Variants in LANCL1 observed in about 807,000 individuals in gnomAD.
LANCL1 encodes the protein LanC like glutathione S-transferase 1.
In LANCL1, 50 loss-of-function variants were observed where a neutral mutation model predicts 50.6. The observed-to-expected ratio is 0.99, with a 90% CI of 0.79 to 1.25. The LOEUF is 1.25. Among genes scored for constraint, LANCL1 ranks in the 50% most tolerant of loss-of-function variants. The probability of loss-of-function intolerance (pLI) is 0.00; values close to 1 mark genes in which losing one functional copy is unlikely to be tolerated. For synonymous variants in LANCL1, 188 were observed against 178.6 expected (o/e 1.05, Z -0.42); for missense variants, 532 against 480.7 (o/e 1.11, Z -1.00).
At position 210,455,101 on chromosome 2, in the gene LANCL1, G is replaced by A. The variant is rs201036624; in HGVS notation, c.407+6C>T. On this transcript the variant is annotated splice_donor_region_variant and intron_variant, in intron 4 of 9. Transcript: ENST00000450366. The stretch of plus-strand genomic sequence containing the variant: ...GAAAATAATCCTCATATAGAAACAT[G>A]ATTACCGTGTGATGCAATCTTCTGC... The A allele has an allele frequency of 1.6e-4, 263 of 1,608,896 alleles. No homozygotes were observed. Among genetic ancestry groups the A allele is most frequent in the Non-Finnish European group, 7.0e-5 (82 of 1,175,776 alleles).
Position 210,465,639 on chromosome 2 carries a change from T to C in LANCL1, c.199+6320A>G, listed in dbSNP as rs1390885345. Among the ~76,000 whole-genome samples, 5 of 152,162 alleles carry C rather than the reference T, an allele frequency of 3.3e-5. No homozygotes were observed. The East Asian group carries it at 9.6e-4, about 29-fold the overall frequency. On this transcript the variant is annotated intron_variant, in intron 3 of 9. Transcript: ENST00000450366. ...GATTCAAGAAAACGTGAAGTCAATATACGGCAACTAGAAGCAAAACGATCT... is the reference window on the plus strand; with the variant it reads ...GATTCAAGAAAACGTGAAGTCAATACACGGCAACTAGAAGCAAAACGATCT...
intron 6 of LANCL1, among the ~76,000 whole-genome samples, chr2:210,439,183 C>T (rs140193363): frequency 1.2e-3 from 177 of 152,248 alleles, no homozygotes; most frequent in East Asian, 7.1e-3. Flanking sequence ...TTGATGAAGG[C>T]GTACCTACTA....
At chr2:210,435,977 C>T (rs1264877161) in intron 8 of LANCL1, among the ~76,000 whole-genome samples, 1 of 137,992 alleles carries the variant, frequency 7.2e-6, no homozygotes. Context: ...TCTTGGCTCA[C>T]TGCAACCTCT....
chr2:210,439,264 C>G (rs1398269078), intron 6 of LANCL1, among the ~76,000 whole-genome samples: 1 of 152,136 alleles, frequency 6.6e-6, no homozygotes, highest in African/African-American at 2.4e-5. Context: ...AAAATCAATA[C>G]TTGGGTTTTC....
In LANCL1 at chr2:210,436,273, G is replaced by A. The variant is rs1217877285; in HGVS notation, c.993C>T (p.Ala331=). The A allele has an allele frequency of 1.2e-6, 2 of 1,613,864 alleles. No individual in the cohort carries two copies. Among genetic ancestry groups the A allele is most frequent in the African/African-American group, 2.7e-5 (2 of 74,880 alleles). ...LCHGSAGNAY[A]FLTLYNLTQD... ...GTGTGAGGTTGTAGAGTGTCAGGAA[G>A]GCATAGGCATTCCCTGCAGAACCGT... Residue 331 remains alanine, a synonymous_variant, in exon 8 of 10, where the codon GCC becomes GCT. Transcript: ENST00000450366.
chr2:210,463,001 T>C (rs1443027899), intron 3 of LANCL1, among the ~76,000 whole-genome samples: 1 of 152,292 alleles, frequency 6.6e-6, no homozygotes, highest in East Asian at 1.9e-4. Flanking sequence ...GTGTACAGAA[T>C]AAACTCATAT....
At chr2:210,470,183 C>T (rs181989767) in intron 3 of LANCL1, among the ~76,000 whole-genome samples, 4 of 152,262 alleles carry the variant, frequency 2.6e-5, no homozygotes, top group African/African-American at 2.4e-5. Flanking sequence ...ATCTATCAAC[C>T]ACATCACACC....
At position 210,432,653 on chromosome 2, in the gene LANCL1, T is replaced by C. The variant is rs1157640472; in HGVS notation, c.*1834A>G. The C allele has an allele frequency of 1.3e-5, 2 of 152,170 alleles. No individual in the cohort carries two copies. The highest frequency in any genetic ancestry group is 2.9e-5 in the Non-Finnish European group (2 of 68,028). The allele number at this position is 152,170 out of a possible 1,614,324, so 9.4% of individuals were successfully genotyped here. A position where few individuals can be genotyped will look rare whatever the true frequency, so the allele number is the denominator to read the frequency against. On this transcript the variant is annotated 3_prime_UTR_variant, in exon 10 of 10. Coordinates refer to ENST00000450366, the MANE Select transcript of LANCL1 (RefSeq NM_006055.3). The stretch of plus-strand genomic sequence containing the variant: ...AACGCAGCTAAAAGCATAGGCACAG[T>C]AGAGTAAGACATTTAACTAAACCAA...
chr2:210,439,031 A>T (rs1202151171), intron 6 of LANCL1, among the ~76,000 whole-genome samples: 1 of 152,154 alleles, frequency 6.6e-6, no homozygotes, highest in Non-Finnish European at 1.5e-5. Flanking sequence ...CTGAAAGTGG[A>T]CTGAGTTGTT....
chr2:210,446,888 A>G (rs1421308468), intron 4 of LANCL1, among the ~76,000 whole-genome samples: 1 of 152,210 alleles, frequency 6.6e-6, no homozygotes, highest in Non-Finnish European at 1.5e-5. Flanking sequence ...TGTACCTGAA[A>G]GCGACGGGGA....
chr2:210,463,378 A>G (rs766532999), intron 3 of LANCL1, among the ~76,000 whole-genome samples: 1 of 152,058 alleles, frequency 6.6e-6, no homozygotes, highest in South Asian at 2.1e-4. Context: ...ACCTGGCTAT[A>G]TAAAGTTTTT....
rs146444283 is a variant in LANCL1 at position 210,476,576 on chromosome 2, G to A, written c.-17+44C>T. ...GGGCCCACTGCGGCCCAACTGCTAG[G>A]ACATGGCGCCTTCGCGAAAAAGCTG... On this transcript the variant is annotated intron_variant, in intron 1 of 9. Transcript: ENST00000450366. The A allele has an allele frequency of 4.6e-4, 638 of 1,372,544 alleles. 5 individuals carry two copies. In the African/African-American group the frequency reaches 8.4e-3, roughly 18 times the overall value. 85.0% of individuals were successfully genotyped at this position (1,372,544 alleles called of 1,614,324 possible).
At chr2:210,460,842 A>G (rs1005742393) in intron 3 of LANCL1, 9 of 152,204 alleles carry the variant, frequency 5.9e-5, no homozygotes, top group African/African-American at 2.2e-4. Flanking sequence ...TATTGCCCCA[A>G]ACAAATGAGT....
intron 4 of LANCL1, among the ~76,000 whole-genome samples, chr2:210,447,481 C>G (rs773050950): frequency 6.6e-6 from 1 of 152,138 alleles, no homozygotes; most frequent in African/African-American, 2.4e-5. Context: ...ATCATAATGA[C>G]AGGATCAAAT....
At chr2:210,436,123 T>C in intron 8 of LANCL1, 93 bp downstream of exon 8, 1 of 1,107,784 alleles carries the variant, frequency 9.0e-7, no homozygotes, top group Admixed American at 2.0e-5. Context: ...ACTCCTGACC[T>C]CAGGTGATCC....
chr2:210,432,305 A>C lies in LANCL1; in HGVS notation c.*2182T>G, dbSNP rs912566434. On this transcript the variant is annotated 3_prime_UTR_variant, in exon 10 of 10. Coordinates refer to ENST00000450366, the MANE Select transcript of LANCL1 (RefSeq NM_006055.3). ...TAAGTTTTGAAAAGCTTAAAAAAAA[A>C]CCAAACTCTAATTGTGTTTGTGTGG... is the stretch of plus-strand genomic sequence containing the variant. 4 of 152,182 alleles carry C rather than the reference A, an allele frequency of 2.6e-5. No individual in the cohort carries two copies. Among genetic ancestry groups the C allele is most frequent in the Non-Finnish European group, 5.9e-5 (4 of 68,026 alleles). The allele number at this position is 152,182 out of a possible 1,614,324, so 9.4% of individuals were successfully genotyped here.
At chr2:210,476,829 A>G, upstream of LANCL1, 1 of 998,872 alleles carries the variant, frequency 1.0e-6, no homozygotes, top group Non-Finnish European at 1.2e-6. Context: ...TCTCTCTTAC[A>G]GTTTGTTAAA....
At chr2:210,443,254 G>T (rs1196186348) in intron 4 of LANCL1, among the ~76,000 whole-genome samples, 1 of 152,112 alleles carries the variant, frequency 6.6e-6, no homozygotes, top group South Asian at 2.1e-4. Context: ...CCTTTTTGGG[G>T]GGAGGGGAGT....
Position 210,432,903 on chromosome 2 carries a change from A to G in LANCL1, c.*1584T>C, listed in dbSNP as rs1370132948. 1 of 152,454 alleles carries G rather than the reference A, an allele frequency of 6.6e-6. No individual in the cohort carries two copies. The highest frequency in any genetic ancestry group is 1.9e-4 in the East Asian group (1 of 5,192). The allele number at this position is 152,454 out of a possible 1,614,324, so 9.4% of individuals were successfully genotyped here. A position where few individuals can be genotyped will look rare whatever the true frequency, so the allele number is the denominator to read the frequency against. On this transcript the variant is annotated 3_prime_UTR_variant, in exon 10 of 10. Coordinates refer to ENST00000450366, the MANE Select transcript of LANCL1 (RefSeq NM_006055.3). ...AGGAGGAAGCTGATCCTGGAAACTG[A>G]GCAGTGGGCTGCTTTTTAAATCCTA...
Sources: gnomAD v4.1 joint callset for allele counts (sites outside exome capture counted in the v4.1 genomes callset) on GRCh38, gnomAD v4.1.1 for gene constraint, MANE v1.5 for transcripts, NCBI Gene and HGNC (gene_info 2026-07-23, HGNC 2026-07-21) for gene names.